The following CDC42BPA variants were observed in gnomAD, a reference collection of about 807,000 sequenced individuals.
The protein encoded by CDC42BPA is CDC42 binding protein kinase alpha, also known as serine/threonine-protein kinase MRCK alpha.
In CDC42BPA, 80 loss-of-function variants were observed where a neutral mutation model predicts 223.5. The observed-to-expected ratio is 0.36, with a 90% CI of 0.30 to 0.43. CDC42BPA has a LOEUF of 0.43. Ranked by LOEUF, CDC42BPA falls within the 20% of genes least tolerant of loss-of-function variation. CDC42BPA has a pLI of 1.00. For synonymous variants in CDC42BPA, 694 were observed against 718.6 expected (o/e 0.97, Z 0.55); for missense variants, 1,743 against 2,099.9 (o/e 0.83, Z 3.32).
intron 16 of CDC42BPA, among the ~76,000 whole-genome samples, chr1:227,089,627 GTTTTTTTT>G (rs72110440): frequency 8.6e-6 from 1 of 116,718 alleles, no homozygotes; most frequent in African/African-American, 3.3e-5. Flanking sequence ...GGGTAATTCC[GTTTTTTTT>G]TTTTTTTTTT....
At chr1:227,313,838 C>A (rs1553447206) in intron 1 of CDC42BPA, among the ~76,000 whole-genome samples, 6 of 143,166 alleles carry the variant, frequency 4.2e-5, no homozygotes, top group Non-Finnish European at 9.3e-5. Flanking sequence ...GCTCTAGGTA[C>A]AAATTTATTA....
At chr1:227,125,255 G>T (rs1053178222) in intron 11 of CDC42BPA, among the ~76,000 whole-genome samples, 1 of 151,702 alleles carries the variant, frequency 6.6e-6, no homozygotes. Flanking sequence ...ACAAGTGCAG[G>T]GGGAGCTAGA....
At chr1:227,040,067 G>A (rs1203458680) in intron 24 of CDC42BPA, 64 bp downstream of exon 24, 7 of 990,812 alleles carry the variant, frequency 7.1e-6, no homozygotes, top group East Asian at 4.8e-5. Context: ...CTTTGAAAGA[G>A]AATCAACTTA....
chr1:227,043,093 C>T (rs573318799), intron 23 of CDC42BPA, among the ~76,000 whole-genome samples: 19 of 152,036 alleles, frequency 1.2e-4, no homozygotes, highest in Admixed American at 5.9e-4. Context: ...TTCTTTTTTA[C>T]AAAAAATTTT....
chr1:227,067,850 G>C (rs1425535682), intron 21 of CDC42BPA, among the ~76,000 whole-genome samples: 1 of 152,068 alleles, frequency 6.6e-6, no homozygotes, highest in Non-Finnish European at 1.5e-5. Context: ...ACAATTCTAT[G>C]CACAATATTT....
intron 10 of CDC42BPA, among the ~76,000 whole-genome samples, chr1:227,130,139 T>C (rs959863937): frequency 6.6e-6 from 1 of 152,220 alleles, no homozygotes; most frequent in Non-Finnish European, 1.5e-5. Flanking sequence ...TTTTTTACCA[T>C]TTTACATCAG....
At chr1:227,150,411 T>C (rs1661518116) in intron 6 of CDC42BPA, among the ~76,000 whole-genome samples, 2 of 152,066 alleles carry the variant, frequency 1.3e-5, no homozygotes, top group South Asian at 2.1e-4. Flanking sequence ...TAACTAAGAA[T>C]TGCAGTCAGA....
chr1:227,196,649 C>T (rs1301658002), intron 4 of CDC42BPA, among the ~76,000 whole-genome samples: 1 of 152,026 alleles, frequency 6.6e-6, no homozygotes, highest in Non-Finnish European at 1.5e-5. Context: ...CTAAACAATA[C>T]TTTTCTTAAA....
intron 21 of CDC42BPA, among the ~76,000 whole-genome samples, chr1:227,060,037 T>TTG (rs1553318066): frequency 7.7e-4 from 111 of 144,012 alleles, no homozygotes; most frequent in Non-Finnish European, 1.3e-3. Flanking sequence ...TTTGTTTTTT[T>TTG]TTTTTTTTTT....
intron 5 of CDC42BPA, among the ~76,000 whole-genome samples, chr1:227,162,949 CATAT>C (rs371395459): frequency 6.1e-5 from 9 of 148,296 alleles, no homozygotes; most frequent in African/African-American, 2.0e-4. Context: ...TGTTTCCAAA[CATAT>C]ATGTTTCCAA....
intron 14 of CDC42BPA, among the ~76,000 whole-genome samples, chr1:227,107,177 C>G (rs1424265474): frequency 6.6e-6 from 1 of 152,186 alleles, no homozygotes; most frequent in Non-Finnish European, 1.5e-5. Context: ...TCCCACTATT[C>G]ATAAACATGA....
rs752901736 is a variant in CDC42BPA at position 226,994,220 on chromosome 1, G to C, written c.*48C>G. 3 of 1,537,780 alleles carry C rather than the reference G, an allele frequency of 2.0e-6. No individual in the cohort carries two copies. The Admixed American group carries it at 5.9e-5, about 30-fold the overall frequency. ...GAGGGAAGAGATGAAAGTGAGAGGAGGCGAGTGGCAGGGAGCGGAGAGCGA... is the reference window on the plus strand; with the variant it reads ...GAGGGAAGAGATGAAAGTGAGAGGACGCGAGTGGCAGGGAGCGGAGAGCGA... On this transcript the variant is annotated 3_prime_UTR_variant, in exon 37 of 37. Coordinates refer to ENST00000366766, the MANE Select transcript of CDC42BPA (RefSeq NM_001394014.1). The surrounding 1 kb of genome is among the most constrained non-coding windows in gnomAD (Gnocchi z 4.0).
intron 1 of CDC42BPA, among the ~76,000 whole-genome samples, chr1:227,276,338 T>G (rs1369973784): frequency 7.6e-6 from 1 of 131,748 alleles, no homozygotes; most frequent in African/African-American, 3.0e-5. Flanking sequence ...GTGAGGAGCG[T>G]CTCTGCCCGG....
At chr1:227,039,054 C>CCTCT (rs1670861614) in intron 24 of CDC42BPA, among the ~76,000 whole-genome samples, 1 of 152,208 alleles carries the variant, frequency 6.6e-6, no homozygotes, top group African/African-American at 2.4e-5. Flanking sequence ...CCTGCTCAGT[C>CCTCT]CTCTCATCAG....
intron 16 of CDC42BPA, among the ~76,000 whole-genome samples, chr1:227,088,396 C>G (rs1372941866): frequency 6.6e-6 from 1 of 151,770 alleles, no homozygotes; most frequent in Non-Finnish European, 1.5e-5. Context: ...CATAGGAATA[C>G]GAAAAAATGC....
intron 16 of CDC42BPA, among the ~76,000 whole-genome samples, chr1:227,090,565 T>C (rs6426561): frequency 0.28 from 43,130 of 151,952 alleles, 6,336 homozygotes; most frequent in African/African-American, 0.35. Context: ...AATCCCAGCA[T>C]TTTGGGAGGC....
intron 34 of CDC42BPA, among the ~76,000 whole-genome samples, chr1:227,009,505 C>A (rs990020952): frequency 2.0e-5 from 3 of 152,158 alleles, no homozygotes. Context: ...ACCTCCCAGG[C>A]GCAAGTGATC....
At chr1:227,220,589 T>C (rs1328062526) in intron 2 of CDC42BPA, among the ~76,000 whole-genome samples, 7 of 152,004 alleles carry the variant, frequency 4.6e-5, no homozygotes, top group Non-Finnish European at 1.0e-4. Context: ...CTATCTACTC[T>C]TCACCAGCAA....
At chr1:227,241,399 A>G (rs757252280) in intron 2 of CDC42BPA, among the ~76,000 whole-genome samples, 1 of 152,148 alleles carries the variant, frequency 6.6e-6, no homozygotes, top group Non-Finnish European at 1.5e-5. Context: ...GAGAATATTC[A>G]TATCAGCTTT....
Sources: allele counts gnomAD v4.1 joint callset (sites outside exome capture counted in the v4.1 genomes callset), GRCh38; gene constraint gnomAD v4.1.1; non-coding constraint Gnocchi (gnomAD v3.1); transcripts MANE v1.5; gene names NCBI Gene and HGNC (gene_info 2026-07-23, HGNC 2026-07-21).